ITPR2: variants seen among roughly 807,000 people sequenced by gnomAD.
ITPR2 encodes inositol 1,4,5-trisphosphate receptor type 2, also known as inositol 1,4,5-trisphosphate-gated calcium channel ITPR2.
Under a neutral mutation model 317.1 loss-of-function variants are expected in ITPR2, and 207 were observed. That is an observed-to-expected ratio of 0.65 (90% CI 0.58 to 0.73). The LOEUF (loss-of-function observed/expected upper bound fraction) is 0.73, where lower values mean the gene tolerates loss of function less well. Among genes scored for constraint, ITPR2 ranks in the 30% least tolerant of loss-of-function variants. ITPR2 has a pLI of 0.00. For synonymous variants in ITPR2, 1,156 were observed against 1,149.1 expected, an observed-to-expected ratio of 1.01 and a Z score of -0.12; for missense variants, 2,613 against 3,284.0, an observed-to-expected ratio of 0.80 and a Z score of 4.99.
intron 2 of ITPR2, among the ~76,000 whole-genome samples, chr12:26,727,830 A>G (rs568423766): frequency 6.6e-6 from 1 of 152,296 alleles, no homozygotes; most frequent in South Asian, 2.1e-4. Context: ...GTCAGAAAAG[A>G]CTTCCCCACG....
intron 47 of ITPR2, 77 bp from the exon 48 acceptor site, chr12:26,436,423 T>C: frequency 7.6e-7 from 1 of 1,313,922 alleles, no homozygotes; most frequent in East Asian, 2.6e-5. Flanking sequence ...ACCAAAACAA[T>C]ATTTTACTAA....
rs1555192765 is a variant in ITPR2 at position 26,790,617 on chromosome 12, A to ACACACACT, written c.93-391_93-390insAGTGTGTG. Among the ~76,000 whole-genome samples, 9 of 150,870 alleles carry ACACACACT rather than the reference A, an allele frequency of 6.0e-5. No homozygotes were observed. The East Asian group carries it at 1.6e-3, about 27-fold the overall frequency. Reference sequence around the variant, plus strand: ...CACACACACACACACACACACACACACTTCTACACATACATATATAAGGAA... The same window carrying ACACACACT: ...CACACACACACACACACACACACACACACACACTCTTCTACACATACATATATAAGGAA... On this transcript the variant is annotated intron_variant, in intron 1 of 56. Coordinates refer to ENST00000381340, the MANE Select transcript of ITPR2 (RefSeq NM_002223.4).
intron 46 of ITPR2, among the ~76,000 whole-genome samples, chr12:26,439,532 A>C (rs1433350456): frequency 2.0e-5 from 3 of 152,196 alleles, no homozygotes; most frequent in Admixed American, 6.5e-5. Flanking sequence ...TATCATGAAC[A>C]CTATACTTTG....
At chr12:26,496,691 C>G (rs1452304315) in intron 37 of ITPR2, among the ~76,000 whole-genome samples, 2 of 151,826 alleles carry the variant, frequency 1.3e-5, no homozygotes, top group Non-Finnish European at 2.9e-5. Flanking sequence ...TTCTCATAAT[C>G]CCAGCACTTT....
intron 1 of ITPR2, among the ~76,000 whole-genome samples, chr12:26,800,225 CAA>C (rs34869607): frequency 4.0e-5 from 6 of 150,734 alleles, no homozygotes; most frequent in East Asian, 1.9e-4. Context: ...ACTTTCCATT[CAA>C]AAAAAAAAGA....
chr12:26,788,388 G>C (rs1345399638), intron 2 of ITPR2, among the ~76,000 whole-genome samples: 1 of 152,192 alleles, frequency 6.6e-6, no homozygotes, highest in Non-Finnish European at 1.5e-5. Flanking sequence ...ACCTACTTAA[G>C]ATGACACAGG....
intron 55 of ITPR2, among the ~76,000 whole-genome samples, chr12:26,357,070 CT>C (rs1014739095): frequency 2.0e-5 from 3 of 151,612 alleles, no homozygotes; most frequent in African/African-American, 7.3e-5. Context: ...GACAGAGTGT[CT>C]TTTTTATTCA....
Position 26,486,347 on chromosome 12 carries a change from T to G in ITPR2, c.5568A>C (p.Thr1856=). The change falls in exon 41 of 57, where the codon ACA becomes ACC. Residue 1856 remains threonine, a synonymous_variant. Transcript: ENST00000381340. ...SGPRMRVRDS[T]LHLKEGMKGQ... ...CTTTCATTCCCTCTTTTAAATGTAG[T>G]GTTGAATCTCTTACTGAAAACAAAG... is the stretch of plus-strand genomic sequence containing the variant. The G allele has an allele frequency of 6.2e-7, 1 of 1,612,108 alleles. No individual in the cohort carries two copies. The highest frequency in any genetic ancestry group is 1.3e-5 in the African/African-American group (1 of 74,926).
chr12:26,727,165 C>G (rs3782311), intron 2 of ITPR2, among the ~76,000 whole-genome samples: 2 of 152,266 alleles, frequency 1.3e-5, no homozygotes, highest in East Asian at 3.9e-4. Flanking sequence ...ATCATACTAG[C>G]CCTAAAAGTT....
At chr12:26,670,901 T>C (rs1427634991) in intron 13 of ITPR2, among the ~76,000 whole-genome samples, 1 of 152,012 alleles carries the variant, frequency 6.6e-6, no homozygotes, top group African/African-American at 2.4e-5. Context: ...ACCTGAAGAA[T>C]GCAGAAGCCT....
intron 2 of ITPR2, among the ~76,000 whole-genome samples, chr12:26,783,503 T>TCTCCTA: frequency 6.6e-6 from 1 of 152,212 alleles, no homozygotes; most frequent in East Asian, 1.9e-4. Flanking sequence ...TAAGTGGACT[T>TCTCCTA]CTCCTAATAG....
chr12:26,451,758 T>C (rs903739902), intron 45 of ITPR2, among the ~76,000 whole-genome samples: 9 of 152,116 alleles, frequency 5.9e-5, no homozygotes, highest in African/African-American at 2.2e-4. Context: ...CTACTGATTA[T>C]AATAAACAAA....
In ITPR2 at chr12:26,486,504, T is replaced by G; in HGVS notation, c.5555-144A>C. On this transcript the variant is annotated intron_variant, in intron 40 of 56. Coordinates refer to ENST00000381340, the MANE Select transcript of ITPR2 (RefSeq NM_002223.4). ...AGGTGCAACAATTTCCAAAAAGGAT[T>G]TGAGAGAGCACTTAAAAATTAAATT... 5 of 727,088 alleles carry G rather than the reference T, an allele frequency of 6.9e-6. No homozygotes were observed. The South Asian group carries it at 1.0e-4, about 14-fold the overall frequency. The allele number at this position is 727,088 out of a possible 1,614,324, so 45.0% of individuals were successfully genotyped here.
chr12:26,556,564 T>G (rs199663645), intron 35 of ITPR2, among the ~76,000 whole-genome samples, 189 bp from the exon 36 acceptor site: 21,380 of 111,446 alleles, frequency 0.19, 1,640 homozygotes, highest in African/African-American at 0.22. Flanking sequence ...CTATTTTTTT[T>G]TTTGTGTGTG....
At chr12:26,440,250 C>T (rs144481905) in intron 46 of ITPR2, among the ~76,000 whole-genome samples, 260 of 152,294 alleles carry the variant, frequency 1.7e-3, no homozygotes, top group Admixed American at 5.6e-3. Context: ...ACCAAATACA[C>T]GAAAACAAAA....
At chr12:26,780,609 T>C (rs775241671) in intron 2 of ITPR2, among the ~76,000 whole-genome samples, 1 of 152,076 alleles carries the variant, frequency 6.6e-6, no homozygotes, top group Non-Finnish European at 1.5e-5. Flanking sequence ...CAATGCCAAC[T>C]AGGTGACGAT....
At chr12:26,556,682 T>C (rs905192347) in intron 35 of ITPR2, among the ~76,000 whole-genome samples, 3 of 151,146 alleles carry the variant, frequency 2.0e-5, no homozygotes, top group African/African-American at 7.3e-5. Flanking sequence ...TAAGCCACTG[T>C]ATGTGCCCTG....
At chr12:26,581,712 T>C (rs1484880) in intron 32 of ITPR2, among the ~76,000 whole-genome samples, 39,862 of 152,102 alleles carry the variant, frequency 0.26, 6,086 homozygotes, top group Non-Finnish European at 0.34. Flanking sequence ...AGATCTAATA[T>C]AAAATTGATC....
At chr12:26,538,667 T>G (rs1411727807) in intron 37 of ITPR2, among the ~76,000 whole-genome samples, 1 of 152,016 alleles carries the variant, frequency 6.6e-6, no homozygotes, top group African/African-American at 2.4e-5. Flanking sequence ...ACCTCCGCCT[T>G]CTGGGTACAA....
Sources: allele counts gnomAD v4.1 joint callset (sites outside exome capture counted in the v4.1 genomes callset), GRCh38; gene constraint gnomAD v4.1.1; transcripts MANE v1.5; gene names NCBI Gene and HGNC (gene_info 2026-07-23, HGNC 2026-07-21).